The following GPC6 variants were observed in gnomAD, a reference collection of about 807,000 sequenced individuals.
The protein encoded by GPC6 is glypican 6, also known as glypican-6.
Under a neutral mutation model 55.2 loss-of-function variants are expected in GPC6, and 14 were observed. The ratio of observed to expected loss-of-function variants is 0.25; its 90% CI spans 0.17 to 0.40. The LOEUF (loss-of-function observed/expected upper bound fraction) is 0.40, where lower values mean the gene tolerates loss of function less well. GPC6 is among the 10% of genes least tolerant of loss of function. The pLI is 1.00. For synonymous variants in GPC6, 278 were observed against 259.6 expected, an observed-to-expected ratio of 1.07 and a Z score of -0.68; for missense variants, 641 against 708.5, an observed-to-expected ratio of 0.90 and a Z score of 1.08.
intron 1 of GPC6, among the ~76,000 whole-genome samples, chr13:93,476,330 A>AAT (rs1879301784): frequency 6.6e-6 from 1 of 152,022 alleles, no homozygotes; most frequent in Non-Finnish European, 1.5e-5. Flanking sequence ...GCAACTAAAT[A>AAT]ATATAAACGT....
At chr13:93,712,587 A>T (rs1487066226) in intron 2 of GPC6, among the ~76,000 whole-genome samples, 1 of 151,696 alleles carries the variant, frequency 6.6e-6, no homozygotes, top group Non-Finnish European at 1.5e-5. Context: ...TGTGCCCCTT[A>T]TATGTATGAT....
At chr13:93,795,982 A>G (rs972239287) in intron 2 of GPC6, among the ~76,000 whole-genome samples, 2 of 151,968 alleles carry the variant, frequency 1.3e-5, no homozygotes, top group African/African-American at 4.8e-5. Context: ...CCAGGAGTTC[A>G]AGACCAGCCT....
chr13:93,219,806 GT>G, the GPC6 span, among the ~76,000 whole-genome samples: 20 of 151,506 alleles, frequency 1.3e-4, no homozygotes, highest in African/African-American at 3.6e-4. Context: ...AAAATTTCTT[GT>G]TTTTTTTCTA....
At chr13:94,401,455 T>C (rs1316244606) in intron 8 of GPC6, among the ~76,000 whole-genome samples, 1 of 151,912 alleles carries the variant, frequency 6.6e-6, no homozygotes, top group Non-Finnish European at 1.5e-5. Flanking sequence ...GAAGTGGAAA[T>C]AGGGAAGAAA....
chr13:93,808,239 A>G (rs1447509258), intron 2 of GPC6, among the ~76,000 whole-genome samples: 1 of 152,228 alleles, frequency 6.6e-6, no homozygotes, highest in South Asian at 2.1e-4. Context: ...AATTTTAAAA[A>G]TTAGAACATT....
intron 1 of GPC6, among the ~76,000 whole-genome samples, chr13:93,365,975 T>A (rs1249596469): frequency 2.0e-5 from 3 of 152,112 alleles, no homozygotes; most frequent in Non-Finnish European, 4.4e-5. Flanking sequence ...GATTTTAGTT[T>A]CATAGTCATA....
At chr13:94,130,903 AATTT>A (rs1886980697) in intron 4 of GPC6, among the ~76,000 whole-genome samples, 1 of 152,132 alleles carries the variant, frequency 6.6e-6, no homozygotes, top group African/African-American at 2.4e-5. Context: ...CTTGAGAAAT[AATTT>A]GTTTGTTTTT....
chr13:94,113,351 T>C (rs1886317109), intron 4 of GPC6, among the ~76,000 whole-genome samples: 1 of 152,094 alleles, frequency 6.6e-6, no homozygotes, highest in African/African-American at 2.4e-5. Flanking sequence ...AAAGTTAAGT[T>C]AATCATACTC....
At chr13:93,291,164 A>G (rs1173965361) in intron 1 of GPC6, among the ~76,000 whole-genome samples, 1 of 152,192 alleles carries the variant, frequency 6.6e-6, no homozygotes, top group Non-Finnish European at 1.5e-5. Flanking sequence ...CCAAGGGATT[A>G]TAAACTCTTT....
intron 1 of GPC6, among the ~76,000 whole-genome samples, chr13:93,449,959 T>A (rs529177811): frequency 2.2e-4 from 34 of 152,164 alleles, no homozygotes; most frequent in African/African-American, 7.9e-4. Context: ...TCTCGCTCTA[T>A]TTTTAGTAGA....
In GPC6 at chr13:93,861,791, C is replaced by G. The variant is rs532941500; in HGVS notation, c.711+31246C>G. On this transcript the variant is annotated intron_variant, in intron 3 of 8. Transcript: ENST00000377047. ...GCCCCTTCCTGACTGTGGCAGCACC[C>G]TCTGACCTCTTTACTGGTCGAGTTA... Among the ~76,000 whole-genome samples the G allele has an allele frequency of 2.6e-5, 4 of 151,718 alleles. No individual in the cohort carries two copies. In the East Asian group the frequency reaches 7.8e-4, roughly 30 times the overall value.
At chr13:93,389,569 TATGTATGTATATATGTATACACACAGA>T (rs1238963806) in intron 1 of GPC6, among the ~76,000 whole-genome samples, 55 of 151,052 alleles carry the variant, frequency 3.6e-4, no homozygotes, top group Admixed American at 1.0e-3. Flanking sequence ...CATTTATATG[TATGTATGTATATATGTATACACACAGA>T]ATGTATGTAT....
intron 1 of GPC6, among the ~76,000 whole-genome samples, chr13:93,285,316 T>C (rs1878073105): frequency 6.6e-6 from 1 of 152,238 alleles, no homozygotes; most frequent in Non-Finnish European, 1.5e-5. Flanking sequence ...CTTTCAGTTA[T>C]ATAAAGATTA....
chr13:93,290,420 A>G (rs527724670), intron 1 of GPC6, among the ~76,000 whole-genome samples: 4 of 152,240 alleles, frequency 2.6e-5, no homozygotes, highest in Admixed American at 6.5e-5. Context: ...TCTTTTTAGC[A>G]ATGAGGGAAA....
At chr13:94,151,955 C>G (rs1416668872) in intron 4 of GPC6, among the ~76,000 whole-genome samples, 1 of 151,834 alleles carries the variant, frequency 6.6e-6, no homozygotes, top group Non-Finnish European at 1.5e-5. Context: ...TCCATTTTTT[C>G]TTTCTTTTTT....
intron 1 of GPC6, among the ~76,000 whole-genome samples, chr13:93,322,431 C>CTTTTT (rs71272281): frequency 7.0e-4 from 68 of 96,754 alleles, no homozygotes; most frequent in African/African-American, 1.4e-3. Context: ...TTTCTTTCTT[C>CTTTTT]TTTTTTTTTT....
At chr13:93,768,201 C>T (rs1260044090) in intron 2 of GPC6, among the ~76,000 whole-genome samples, 3 of 152,202 alleles carry the variant, frequency 2.0e-5, no homozygotes, top group Non-Finnish European at 4.4e-5. Context: ...CACTTTTGCT[C>T]TAACTCATGC....
intron 1 of GPC6, among the ~76,000 whole-genome samples, chr13:93,394,436 GT>G (rs1875767810): frequency 6.6e-6 from 1 of 152,118 alleles, no homozygotes; most frequent in Non-Finnish European, 1.5e-5. Context: ...TTATTGTTTT[GT>G]AAGTGAATAA....
intron 3 of GPC6, among the ~76,000 whole-genome samples, chr13:93,952,848 ATATACG>A (rs1349273016): frequency 2.8e-5 from 4 of 140,640 alleles, no homozygotes; most frequent in Non-Finnish European, 6.2e-5. Flanking sequence ...TCACACATAT[ATATACG>A]TATATATATG....
Sources: allele counts gnomAD v4.1 joint callset (sites outside exome capture counted in the v4.1 genomes callset), GRCh38; gene constraint gnomAD v4.1.1; transcripts MANE v1.5; gene names NCBI Gene and HGNC (gene_info 2026-07-23, HGNC 2026-07-21).